The following RBMS1 variants were observed in gnomAD, a reference collection of about 807,000 sequenced individuals.
The protein encoded by RBMS1 is RNA binding motif single stranded interacting protein 1, also known as RNA-binding motif, single-stranded-interacting protein 1.
Under a neutral mutation model 62.3 loss-of-function variants are expected in RBMS1, and 17 were observed. The ratio of observed to expected loss-of-function variants is 0.27; its 90% CI spans 0.19 to 0.41. The LOEUF (loss-of-function observed/expected upper bound fraction) is 0.41. RBMS1 is among the 10% of genes least tolerant of loss of function. The pLI is 1.00. For missense variants in RBMS1, 334 were observed against 504.5 expected, an observed-to-expected ratio of 0.66 and a Z score of 3.24; for synonymous variants, 172 against 170.0, an observed-to-expected ratio of 1.01 and a Z score of -0.09.
chr2:160,340,779 T>C lies in RBMS1; in HGVS notation c.252-22552A>G, dbSNP rs138887882. ...TTGTAAAACTTCCAATTTACTTTTTTAGAAAACTGGGATACCCATAGGCAT... is the reference window on the plus strand; with the variant it reads ...TTGTAAAACTTCCAATTTACTTTTTCAGAAAACTGGGATACCCATAGGCAT... On this transcript the variant is annotated intron_variant, in intron 2 of 13. Coordinates refer to ENST00000348849, the MANE Select transcript of RBMS1 (RefSeq NM_016836.4). Among the ~76,000 whole-genome samples the C allele has an allele frequency of 1.0e-3, 158 of 152,326 alleles. 2 individuals carry two copies. Among genetic ancestry groups the C allele is most frequent in the South Asian group, 4.1e-4 (2 of 4,828 alleles).
At chr2:160,275,760 C>A in intron 12 of RBMS1, 46 bp from the exon 13 acceptor site, 10 of 1,612,164 alleles carry the variant, frequency 6.2e-6, no homozygotes, top group Non-Finnish European at 8.5e-6. Flanking sequence ...AGTGAAAAAA[C>A]CTCAGCTCTG....
chr2:160,341,841 T>G (rs1303819304), intron 2 of RBMS1, among the ~76,000 whole-genome samples: 1 of 152,222 alleles, frequency 6.6e-6, no homozygotes, highest in East Asian at 1.9e-4. Context: ...TAAATGAACC[T>G]GGGCAAGACC....
Position 160,333,264 on chromosome 2 carries a change from T to C in RBMS1, c.252-15037A>G, listed in dbSNP as rs960316161. 2.6e-5 allele frequency among the ~76,000 whole-genome samples: 4 copies of C among 152,102 alleles called. 1 individual carries two copies. Among genetic ancestry groups the C allele is most frequent in the Non-Finnish European group, 5.9e-5 (4 of 67,970 alleles). ...TTATAAATCATCTATATTGTGATCC[T>C]AATAATAATAATTCCCATTCTCTTG... On this transcript the variant is annotated intron_variant, in intron 2 of 13. Transcript: ENST00000348849.
At chr2:160,364,301 C>T (rs1693283610) in intron 2 of RBMS1, among the ~76,000 whole-genome samples, 1 of 152,228 alleles carries the variant, frequency 6.6e-6, no homozygotes, top group African/African-American at 2.4e-5. Context: ...AAAGTTGCAG[C>T]AGCCTACAGC....
At chr2:160,347,069 A>T (rs941763580) in intron 2 of RBMS1, among the ~76,000 whole-genome samples, 9 of 152,158 alleles carry the variant, frequency 5.9e-5, no homozygotes, top group Middle Eastern at 3.2e-3. Context: ...CTTTAACTTA[A>T]ATCATGTAAG....
intron 1 of RBMS1, among the ~76,000 whole-genome samples, chr2:160,452,830 G>C (rs1053449508): frequency 5.3e-5 from 8 of 152,176 alleles, no homozygotes; most frequent in Non-Finnish European, 1.2e-4. Flanking sequence ...ACAAGTACGA[G>C]TATGATAAAA....
chr2:160,313,269 A>T, intron 3 of RBMS1, 22 bp from the exon 4 acceptor site: 1 of 1,606,920 alleles, frequency 6.2e-7, no homozygotes, highest in Non-Finnish European at 8.5e-7. Flanking sequence ...AAACACACTT[A>T]GTATTTAAGC....
intron 1 of RBMS1, among the ~76,000 whole-genome samples, chr2:160,380,810 G>A (rs999014179): frequency 7.2e-5 from 11 of 152,140 alleles, no homozygotes; most frequent in Admixed American, 5.9e-4. Flanking sequence ...CCACACCCTC[G>A]TGGCAGGGAA....
chr2:160,390,354 T>G (rs547872674), intron 1 of RBMS1, among the ~76,000 whole-genome samples: 12 of 152,252 alleles, frequency 7.9e-5, no homozygotes, highest in African/African-American at 2.6e-4. Flanking sequence ...CCAGTTGTGA[T>G]AGCCTAACAA....
At position 160,273,235 on chromosome 2, in the gene RBMS1, A is replaced by G. The variant is rs1376975784; in HGVS notation, c.*1537T>C. 6.6e-6 allele frequency: 1 copy of G among 152,224 alleles called. No individual in the cohort carries two copies. The highest frequency in any genetic ancestry group is 1.5e-5 in the Non-Finnish European group (1 of 68,046). The allele number at this position is 152,224 out of a possible 1,614,324, so 9.4% of individuals were successfully genotyped here. On this transcript the variant is annotated 3_prime_UTR_variant, in exon 14 of 14. Transcript: ENST00000348849. ...TCTTTACACTTGAACACTTGTAGTGATGATGTAAAGTGTGGCACTGCTTGG... is the reference window on the plus strand; with the variant it reads ...TCTTTACACTTGAACACTTGTAGTGGTGATGTAAAGTGTGGCACTGCTTGG...
At chr2:160,433,794 T>G (rs1683002769) in intron 1 of RBMS1, among the ~76,000 whole-genome samples, 1 of 152,226 alleles carries the variant, frequency 6.6e-6, no homozygotes. Flanking sequence ...CAATTCTTCA[T>G]AAAGTGAATT....
intron 2 of RBMS1, among the ~76,000 whole-genome samples, chr2:160,354,254 G>A (rs917447226): frequency 2.6e-5 from 4 of 152,088 alleles, no homozygotes; most frequent in African/African-American, 7.2e-5. Flanking sequence ...AAATTCTTGT[G>A]CCTCAAAAAT....
intron 2 of RBMS1, among the ~76,000 whole-genome samples, chr2:160,362,610 A>C (rs1693190405): frequency 6.6e-6 from 1 of 152,198 alleles, no homozygotes; most frequent in South Asian, 2.1e-4. Flanking sequence ...ATGAACATTA[A>C]AGATCACTAA....
chr2:160,356,412 T>C (rs1250138021), intron 2 of RBMS1, among the ~76,000 whole-genome samples: 2 of 146,368 alleles, frequency 1.4e-5, no homozygotes, highest in Non-Finnish European at 3.0e-5. Flanking sequence ...CCTGGAGAAA[T>C]TAGTCTATTG....
At chr2:160,488,181 T>A (rs943598252) in intron 1 of RBMS1, among the ~76,000 whole-genome samples, 1 of 152,236 alleles carries the variant, frequency 6.6e-6, no homozygotes, top group African/African-American at 2.4e-5. Flanking sequence ...TTGCTCTGTA[T>A]CACCTAACCA....
At chr2:160,427,267 A>G (rs1444405022) in intron 1 of RBMS1, among the ~76,000 whole-genome samples, 1 of 152,196 alleles carries the variant, frequency 6.6e-6, no homozygotes, top group Non-Finnish European at 1.5e-5. Flanking sequence ...GAGGTCAATA[A>G]TAACTATCTA....
rs565948632 is a variant in RBMS1, at chr2:160,445,950, G to T, written c.75+47339C>A. Among the ~76,000 whole-genome samples, 12 of 152,044 alleles carry T rather than the reference G, an allele frequency of 7.9e-5. No homozygotes were observed. The South Asian group carries it at 2.5e-3, about 32-fold the overall frequency. On this transcript the variant is annotated intron_variant, in intron 1 of 13. Coordinates refer to ENST00000348849, the MANE Select transcript of RBMS1 (RefSeq NM_016836.4). ...TACTGTTCAGTGATATCACTGCAAG[G>T]CCCATCTGGCTATGTTAACTGGATT...
At chr2:160,458,721 C>T (rs1449183623) in intron 1 of RBMS1, among the ~76,000 whole-genome samples, 1 of 151,054 alleles carries the variant, frequency 6.6e-6, no homozygotes, top group Non-Finnish European at 1.5e-5. Context: ...CACTTGAACT[C>T]GGGAGGCAGA....
intron 1 of RBMS1, among the ~76,000 whole-genome samples, chr2:160,409,491 C>G (rs535512701): frequency 6.6e-6 from 1 of 152,268 alleles, no homozygotes; most frequent in South Asian, 2.1e-4. Flanking sequence ...TTTTGACTTC[C>G]CTTTTGCTGT....
Sources: allele counts gnomAD v4.1 joint callset (sites outside exome capture counted in the v4.1 genomes callset), GRCh38; gene constraint gnomAD v4.1.1; transcripts MANE v1.5; gene names NCBI Gene and HGNC (gene_info 2026-07-23, HGNC 2026-07-21).